The following PDK3 variants were observed in gnomAD, a reference collection of about 807,000 sequenced individuals.
PDK3 encodes pyruvate dehydrogenase kinase 3, also known as pyruvate dehydrogenase kinase, isozyme 3.
In PDK3, 12 loss-of-function variants were observed where a neutral mutation model predicts 32.0. The ratio of observed to expected loss-of-function variants is 0.37; its 90% CI spans 0.24 to 0.61. PDK3 has a LOEUF of 0.61. Ranked by LOEUF, PDK3 falls within the 20% of genes least tolerant of loss-of-function variation. The pLI, the probability that PDK3 is intolerant of heterozygous loss-of-function variation, is 0.65. For synonymous variants in PDK3, 122 were observed against 116.3 expected, an observed-to-expected ratio of 1.05 and a Z score of -0.31; for missense variants, 188 against 316.9, an observed-to-expected ratio of 0.59 and a Z score of 3.09.
intron 1 of PDK3, among the ~76,000 whole-genome samples, chrX:24,489,851 C>A (rs1223705472): frequency 9.0e-6 from 1 of 111,188 alleles, no homozygotes; most frequent in Non-Finnish European, 1.9e-5. Flanking sequence ...AAGTTTCTTT[C>A]CACATGAGTT....
At chrX:24,497,375 C>G (rs1210864513) in intron 2 of PDK3, among the ~76,000 whole-genome samples, 1 of 112,163 alleles carries the variant, frequency 8.9e-6, no homozygotes, top group Non-Finnish European at 1.9e-5. Flanking sequence ...ACTTCTGCCT[C>G]CTGGGTTCAA....
chrX:24,516,310 G>A (rs1054984976), intron 5 of PDK3, among the ~76,000 whole-genome samples: 33 of 111,185 alleles, frequency 3.0e-4, no homozygotes, highest in African/African-American at 1.0e-3. Flanking sequence ...TTCCAAATGC[G>A]CCCACGAAGC....
At chrX:24,483,241 C>T (rs764740564) in intron 1 of PDK3, among the ~76,000 whole-genome samples, 1 of 112,213 alleles carries the variant, frequency 8.9e-6, no homozygotes, top group Non-Finnish European at 1.9e-5. Flanking sequence ...CTCAGTTAAC[C>T]TCAAATATGA....
At chrX:24,543,639 G>A (rs1203773905) in exon 12 of PDK3, among the ~76,000 whole-genome samples, 1 of 110,225 alleles carries the variant, frequency 9.1e-6, no homozygotes, top group Non-Finnish European at 1.9e-5. Context: ...AGTAGAGACA[G>A]GGTTTCACCA....
chrX:24,497,155 A>G lies in PDK3; in HGVS notation c.249-1674A>G, dbSNP rs767304805. ...TTTGGAAAGGACGGGATGCCTACCT[A>G]GCTTGCTTGCATGTGGCAGGGCGGA... On this transcript the variant is annotated intron_variant, in intron 2 of 10. Coordinates refer to ENST00000379162, the MANE Select transcript of PDK3 (RefSeq NM_005391.5). 1.1e-3 allele frequency among the ~76,000 whole-genome samples: 122 copies of G among 110,791 alleles called. 1 individual carries two copies. The highest frequency in any genetic ancestry group is 3.9e-3 in the African/African-American group (119 of 30,454).
intron 1 of PDK3, among the ~76,000 whole-genome samples, chrX:24,466,928 G>A (rs1357376441): frequency 8.9e-6 from 1 of 112,056 alleles, no homozygotes; most frequent in East Asian, 2.8e-4. Flanking sequence ...GAAGGTATCA[G>A]CCTTTCATTA....
chrX:24,489,825 A>G (rs1347034961), intron 1 of PDK3, among the ~76,000 whole-genome samples: 3 of 111,747 alleles, frequency 2.7e-5, no homozygotes, highest in Non-Finnish European at 5.6e-5. Flanking sequence ...GCTATGGGGG[A>G]TAGAGAGACA....
At chrX:24,498,350 G>A (rs981535764) in intron 2 of PDK3, among the ~76,000 whole-genome samples, 2 of 111,622 alleles carry the variant, frequency 1.8e-5, no homozygotes, top group East Asian at 2.8e-4. Flanking sequence ...CCCTGCTTTC[G>A]ATGGTGCTGG....
At chrX:24,535,133 C>T (rs1922742713), downstream of PDK3, among the ~76,000 whole-genome samples, 1 of 112,578 alleles carries the variant, frequency 8.9e-6, no homozygotes, top group Non-Finnish European at 1.9e-5. Context: ...ACTCTACTAG[C>T]AACAGTGGGG....
intron 1 of PDK3, among the ~76,000 whole-genome samples, chrX:24,472,247 C>T (rs777231937): frequency 1.8e-5 from 2 of 112,126 alleles, no homozygotes; most frequent in East Asian, 2.8e-4. Context: ...CACCACTTGT[C>T]AGCCAGGAGA....
chrX:24,518,528 A>G (rs1184447535), intron 5 of PDK3, among the ~76,000 whole-genome samples: 1 of 110,638 alleles, frequency 9.0e-6, no homozygotes, highest in African/African-American at 3.3e-5. Flanking sequence ...CTTTAAGAAA[A>G]GAGAGATTGG....
intron 5 of PDK3, among the ~76,000 whole-genome samples, chrX:24,511,719 G>T (rs1441799747): frequency 9.1e-6 from 1 of 110,291 alleles, no homozygotes; most frequent in East Asian, 2.8e-4. Flanking sequence ...ATGGTGGCAG[G>T]CACCTGTAAT....
At chrX:24,533,851 A>G in intron 10 of PDK3, 78 bp from the exon 11 acceptor site, 1 of 1,038,334 alleles carries the variant, frequency 9.6e-7, no homozygotes, top group Admixed American at 3.2e-5. Flanking sequence ...TGTTTTAAAT[A>G]ATAAAATTTG....
At chrX:24,494,153 G>C (rs967068729) in intron 1 of PDK3, among the ~76,000 whole-genome samples, 1 of 111,985 alleles carries the variant, frequency 8.9e-6, no homozygotes, top group Non-Finnish European at 1.9e-5. Context: ...CCAGGAGATA[G>C]TTTCTCTGGC....
intron 1 of PDK3, among the ~76,000 whole-genome samples, chrX:24,483,705 C>T (rs1398108311): frequency 2.7e-5 from 3 of 111,419 alleles, no homozygotes; most frequent in Non-Finnish European, 5.7e-5. Context: ...AGTTGCGATC[C>T]GAGGTTTTTT....
intron 6 of PDK3, among the ~76,000 whole-genome samples, chrX:24,525,905 A>G (rs1922512055): frequency 8.9e-6 from 1 of 112,258 alleles, no homozygotes; most frequent in Non-Finnish European, 1.9e-5. Context: ...TGTAATACTC[A>G]GGATGTTATG....
At chrX:24,496,568 CTTTTTTTTTT>C (rs763095558) in intron 2 of PDK3, among the ~76,000 whole-genome samples, 1 of 39,324 alleles carries the variant, frequency 2.5e-5, no homozygotes, top group Non-Finnish European at 4.4e-5. Flanking sequence ...CTACCCCCAT[CTTTTTTTTTT>C]TTTTTTTTTT....
At position 24,485,368 on chromosome X, in the gene PDK3, T is replaced by A. The variant is rs189606863; in HGVS notation, c.107-9374T>A. Among the ~76,000 whole-genome samples the A allele has an allele frequency of 4.2e-4, 47 of 111,400 alleles. No individual in the cohort carries two copies. The East Asian group carries it at 0.012, about 29-fold the overall frequency. On this transcript the variant is annotated intron_variant, in intron 1 of 10. Transcript: ENST00000379162. ...ATCTCAAAAAAGTAAAACAAAAAAA[T>A]AAATAAATAAATTTCTTGTAATGGC...
At chrX:24,535,361 C>T (rs1212778678), downstream of PDK3, among the ~76,000 whole-genome samples, 3 of 109,909 alleles carry the variant, frequency 2.7e-5, no homozygotes, top group Non-Finnish European at 5.7e-5. Flanking sequence ...AAAAATTAGC[C>T]GGGTGTGGTG....
Sources: gnomAD v4.1 joint callset for allele counts (sites outside exome capture counted in the v4.1 genomes callset) on GRCh38, gnomAD v4.1.1 for gene constraint, MANE v1.5 for transcripts, NCBI Gene and HGNC (gene_info 2026-07-23, HGNC 2026-07-21) for gene names.